PLXDC2: variants seen among roughly 807,000 people sequenced by gnomAD.
PLXDC2 encodes the protein plexin domain-containing protein 2.
Under a neutral mutation model 68.9 loss-of-function variants are expected in PLXDC2, and 40 were observed. The observed-to-expected ratio is 0.58, with a 90% CI of 0.45 to 0.76. The LOEUF is 0.76. PLXDC2 is among the 30% of genes least tolerant of loss of function. The probability of loss-of-function intolerance (pLI) is 0.00; values close to 1 mark genes in which losing one functional copy is unlikely to be tolerated. For missense variants in PLXDC2, 644 were observed against 661.9 expected (o/e 0.97, Z 0.30); for synonymous variants, 243 against 234.2 (o/e 1.04, Z -0.34).
intron 4 of PLXDC2, among the ~76,000 whole-genome samples, chr10:20,139,347 T>G (rs558658579): frequency 1.3e-5 from 2 of 152,352 alleles, no homozygotes; most frequent in East Asian, 3.9e-4. Context: ...GAAGGTGTCT[T>G]TCTCAGTCCC....
At chr10:19,974,709 G>A (rs993438427) in intron 1 of PLXDC2, among the ~76,000 whole-genome samples, 3 of 152,290 alleles carry the variant, frequency 2.0e-5, no homozygotes, top group East Asian at 1.9e-4. Context: ...GGCAGGGACC[G>A]GGTCTGGTTT....
chr10:19,844,569 C>T (rs761803469), intron 1 of PLXDC2, among the ~76,000 whole-genome samples: 123 of 151,512 alleles, frequency 8.1e-4, no homozygotes, highest in Non-Finnish European at 1.4e-3. Flanking sequence ...TTCTTTCCTC[C>T]GTTTATTTTT....
intron 6 of PLXDC2, among the ~76,000 whole-genome samples, chr10:20,149,351 G>A (rs1209188711): frequency 2.9e-5 from 4 of 140,094 alleles, no homozygotes; most frequent in Non-Finnish European, 4.5e-5. Context: ...CGATTCTCCT[G>A]CCTCAGCCTC....
chr10:19,832,960 A>C (rs1040986309), intron 1 of PLXDC2, among the ~76,000 whole-genome samples: 3 of 152,172 alleles, frequency 2.0e-5, no homozygotes, highest in African/African-American at 7.2e-5. Flanking sequence ...TCGAACCTCC[A>C]TTTCTTCATC....
At chr10:19,944,023 C>T (rs1471280205) in intron 1 of PLXDC2, among the ~76,000 whole-genome samples, 4 of 152,166 alleles carry the variant, frequency 2.6e-5, no homozygotes, top group East Asian at 1.9e-4. Flanking sequence ...TTTACTTTCC[C>T]GTAGCGATGA....
intron 9 of PLXDC2, among the ~76,000 whole-genome samples, chr10:20,196,820 C>T (rs1275164946): frequency 6.6e-6 from 1 of 152,116 alleles, no homozygotes; most frequent in East Asian, 1.9e-4. Context: ...TAGTAACTTG[C>T]ACTTTTTCCC....
In PLXDC2 at chr10:20,283,886, G is replaced by T. The variant is rs1229803873; in HGVS notation, c.*4067G>T. 1 of 151,968 alleles carries T rather than the reference G, an allele frequency of 6.6e-6. No homozygotes were observed. Among genetic ancestry groups the T allele is most frequent in the African/African-American group, 2.4e-5 (1 of 41,350 alleles). The allele number at this position is 151,968 out of a possible 1,614,324, so 9.4% of individuals were successfully genotyped here. ...CTTTGCACATGCAGACTATATAAAG[G>T]GAATAAAATTATTTTAAATTATGCT... On this transcript the variant is annotated 3_prime_UTR_variant, in exon 14 of 14. Coordinates refer to ENST00000377252, the MANE Select transcript of PLXDC2 (RefSeq NM_032812.9).
At chr10:19,937,015 C>A (rs893318919) in intron 1 of PLXDC2, among the ~76,000 whole-genome samples, 3 of 152,122 alleles carry the variant, frequency 2.0e-5, no homozygotes, top group Non-Finnish European at 4.4e-5. Flanking sequence ...TTTGATGTTC[C>A]TATTGACTTT....
At chr10:19,901,094 G>T (rs2131367503) in intron 1 of PLXDC2, among the ~76,000 whole-genome samples, 1 of 151,782 alleles carries the variant, frequency 6.6e-6, no homozygotes, top group South Asian at 2.1e-4. Flanking sequence ...CATTTGGGCT[G>T]GCTCTATATT....
At chr10:20,060,342 A>C (rs544092246) in intron 3 of PLXDC2, among the ~76,000 whole-genome samples, 80 of 152,286 alleles carry the variant, frequency 5.3e-4, no homozygotes, top group Admixed American at 1.5e-3. Flanking sequence ...TTATAAGCAA[A>C]GTTATTTCAG....
At chr10:19,958,996 G>T (rs958358677) in intron 1 of PLXDC2, among the ~76,000 whole-genome samples, 11 of 152,160 alleles carry the variant, frequency 7.2e-5, no homozygotes, top group African/African-American at 2.7e-4. Flanking sequence ...GCCTATGGCA[G>T]ACAGCCTTCT....
intron 9 of PLXDC2, among the ~76,000 whole-genome samples, chr10:20,187,389 C>G (rs1226251113): frequency 6.6e-6 from 1 of 151,598 alleles, no homozygotes; most frequent in African/African-American, 2.4e-5. Context: ...TTATAGGGTA[C>G]AGTGTGATAT....
In PLXDC2 at chr10:19,847,382, C is replaced by T. The variant is rs565268137; in HGVS notation, c.112+30191C>T. On this transcript the variant is annotated intron_variant, in intron 1 of 13. Coordinates refer to ENST00000377252, the MANE Select transcript of PLXDC2 (RefSeq NM_032812.9). ...TCAGAAGGAGTCACTTTGGTTTGTG[C>T]AGGTCTGCAGAGCACGTTTTAAGAA... Among the ~76,000 whole-genome samples the T allele has an allele frequency of 3.2e-4, 48 of 152,260 alleles. 1 individual carries two copies. The highest frequency in any genetic ancestry group is 1.1e-3 in the African/African-American group (45 of 41,554).
chr10:19,891,779 C>G (rs1837968239), intron 1 of PLXDC2, among the ~76,000 whole-genome samples: 1 of 152,270 alleles, frequency 6.6e-6, no homozygotes, highest in Non-Finnish European at 1.5e-5. Flanking sequence ...AAACCCAAGT[C>G]TAATAAACCA....
intron 4 of PLXDC2, among the ~76,000 whole-genome samples, chr10:20,126,008 C>T (rs1376832075): frequency 6.8e-6 from 1 of 148,142 alleles, no homozygotes; most frequent in Admixed American, 6.8e-5. Flanking sequence ...ACCTATTATA[C>T]AAACACTACA....
chr10:20,089,793 A>G (rs888654545), intron 4 of PLXDC2, among the ~76,000 whole-genome samples: 1 of 152,226 alleles, frequency 6.6e-6, no homozygotes, highest in Admixed American at 6.5e-5. Flanking sequence ...ACTGCAGGTA[A>G]AAGAGAGCCC....
intron 1 of PLXDC2, among the ~76,000 whole-genome samples, chr10:20,000,013 T>C (rs1231761827): frequency 6.6e-6 from 1 of 152,174 alleles, no homozygotes; most frequent in Non-Finnish European, 1.5e-5. Context: ...CCTTGCACAG[T>C]AGTTTTTTCA....
chr10:19,969,078 T>C (rs926030275), intron 1 of PLXDC2, among the ~76,000 whole-genome samples: 1 of 152,276 alleles, frequency 6.6e-6, no homozygotes, highest in Admixed American at 6.5e-5. Context: ...GTTGATCACC[T>C]TTGACAATTG....
intron 3 of PLXDC2, among the ~76,000 whole-genome samples, chr10:20,064,441 C>A (rs766513550): frequency 2.6e-5 from 4 of 151,958 alleles, no homozygotes; most frequent in Non-Finnish European, 4.4e-5. Context: ...AGGATGGTCT[C>A]GATCTCCTGA....
Sources: allele counts gnomAD v4.1 joint callset (sites outside exome capture counted in the v4.1 genomes callset), GRCh38; gene constraint gnomAD v4.1.1; transcripts MANE v1.5; gene names NCBI Gene and HGNC (gene_info 2026-07-23, HGNC 2026-07-21).